Variants in HS3ST2 observed in about 807,000 individuals in gnomAD.
The protein encoded by HS3ST2 is heparan sulfate-glucosamine 3-sulfotransferase 2, also known as heparan sulfate glucosamine 3-O-sulfotransferase 2.
Under a neutral mutation model 26.3 loss-of-function variants are expected in HS3ST2, and 17 were observed. That is an observed-to-expected ratio of 0.65 (90% CI 0.44 to 0.97). The LOEUF is 0.97. Among genes scored for constraint, HS3ST2 ranks in the 50% least tolerant of loss-of-function variants. The pLI is 0.00. For synonymous variants in HS3ST2, 237 were observed against 219.2 expected (o/e 1.08, Z -0.72); for missense variants, 402 against 501.2 (o/e 0.80, Z 1.89).
At chr16:22,833,985 TG>T (rs1307555986) in intron 1 of HS3ST2, among the ~76,000 whole-genome samples, 3 of 152,112 alleles carry the variant, frequency 2.0e-5, no homozygotes, top group Admixed American at 1.3e-4. Flanking sequence ...TATTATCTTT[TG>T]TATAAAGGGA....
chr16:22,908,043 C>T (rs889901351), intron 1 of HS3ST2, among the ~76,000 whole-genome samples: 3 of 152,140 alleles, frequency 2.0e-5, no homozygotes, highest in African/African-American at 7.2e-5. Flanking sequence ...AGGAGGATTG[C>T]GTGAGCCTGG....
intron 1 of HS3ST2, among the ~76,000 whole-genome samples, chr16:22,869,536 G>C (rs1217608775): frequency 2.0e-5 from 3 of 152,168 alleles, no homozygotes; most frequent in Non-Finnish European, 4.4e-5. Context: ...GGCTGGGGAG[G>C]CCTCACAGTC....
At chr16:22,888,885 C>T (rs533853619) in intron 1 of HS3ST2, among the ~76,000 whole-genome samples, 1 of 152,350 alleles carries the variant, frequency 6.6e-6, no homozygotes, top group East Asian at 1.9e-4. Context: ...CTCATTGCAC[C>T]TTGGGTGCAT....
intron 1 of HS3ST2, among the ~76,000 whole-genome samples, chr16:22,878,207 C>T (rs1596623337): frequency 6.6e-6 from 1 of 152,188 alleles, no homozygotes; most frequent in South Asian, 2.1e-4. Flanking sequence ...CATGTAGCCC[C>T]TTAGTGATTT....
intron 1 of HS3ST2, among the ~76,000 whole-genome samples, chr16:22,848,033 T>A (rs979924044): frequency 6.6e-6 from 1 of 152,218 alleles, no homozygotes; most frequent in African/African-American, 2.4e-5. Context: ...CAGGTCAGCC[T>A]CATGTGTTTT....
intron 1 of HS3ST2, among the ~76,000 whole-genome samples, chr16:22,880,400 G>A (rs1267188089): frequency 6.6e-6 from 1 of 152,158 alleles, no homozygotes; most frequent in Non-Finnish European, 1.5e-5. Flanking sequence ...CTGGGTGACA[G>A]AGTGAGACCT....
intron 1 of HS3ST2, among the ~76,000 whole-genome samples, chr16:22,835,759 C>A (rs1782983894): frequency 6.6e-6 from 1 of 152,060 alleles, no homozygotes; most frequent in Non-Finnish European, 1.5e-5. Flanking sequence ...GGCAGTTGTA[C>A]AACATATTGA....
intron 1 of HS3ST2, among the ~76,000 whole-genome samples, chr16:22,822,149 C>A (rs1002297842): frequency 5.9e-5 from 9 of 152,136 alleles, no homozygotes; most frequent in African/African-American, 9.7e-5. Context: ...TTTTGTGCCA[C>A]CTTCATGACA....
At position 22,916,303 on chromosome 16, in the gene HS3ST2, C is replaced by G. The variant is rs1171695288; in HGVS notation, c.*741C>G. The stretch of plus-strand genomic sequence containing the variant: ...CAGCATGCAATGGAATCATGCTTGT[C>G]CATGTGAAATAAATATGGCTCTCTC... On this transcript the variant is annotated 3_prime_UTR_variant, in exon 2 of 2. Transcript: ENST00000261374. The G allele has an allele frequency of 6.6e-6, 1 of 152,666 alleles. No individual in the cohort carries two copies. Among genetic ancestry groups the G allele is most frequent in the African/African-American group, 2.4e-5 (1 of 41,442 alleles). 9.5% of individuals were successfully genotyped at this position (152,666 alleles called of 1,614,324 possible). A position where few individuals can be genotyped will look rare whatever the true frequency, so the allele number is the denominator to read the frequency against.
intron 1 of HS3ST2, among the ~76,000 whole-genome samples, chr16:22,821,830 A>C (rs1900999482): frequency 6.6e-6 from 1 of 152,132 alleles, no homozygotes; most frequent in Non-Finnish European, 1.5e-5. Context: ...TGTGCTTCTG[A>C]GGAAGTTATT....
chr16:22,844,940 C>T (rs575971935), intron 1 of HS3ST2, among the ~76,000 whole-genome samples: 4 of 151,602 alleles, frequency 2.6e-5, no homozygotes, highest in Admixed American at 1.3e-4. Context: ...CTGCAAGCTT[C>T]GCCTCCCAGG....
chr16:22,886,047 G>A lies in HS3ST2; in HGVS notation c.486-28897G>A, dbSNP rs79502922. ...ATGTACGTGGCTTACATGGGATGCCGTTAACACACAGATTATCTTCTAAGC... is the reference window on the plus strand; with the variant it reads ...ATGTACGTGGCTTACATGGGATGCCATTAACACACAGATTATCTTCTAAGC... On this transcript the variant is annotated intron_variant, in intron 1 of 1. Coordinates refer to ENST00000261374, the MANE Select transcript of HS3ST2 (RefSeq NM_006043.2). 2.6e-5 allele frequency among the ~76,000 whole-genome samples: 4 copies of A among 152,226 alleles called. No individual in the cohort carries two copies. The East Asian group carries it at 5.8e-4, about 22-fold the overall frequency.
intron 1 of HS3ST2, among the ~76,000 whole-genome samples, chr16:22,895,574 G>A (rs941722678): frequency 2.6e-5 from 4 of 151,878 alleles, no homozygotes; most frequent in Non-Finnish European, 5.9e-5. Context: ...TGTATTCTGG[G>A]GTGGTCGTAT....
intron 1 of HS3ST2, among the ~76,000 whole-genome samples, chr16:22,827,984 G>A (rs1294324210): frequency 1.3e-5 from 2 of 151,938 alleles, no homozygotes; most frequent in African/African-American, 4.8e-5. Context: ...TAGGATTACA[G>A]GCCTGAGCCA....
intron 1 of HS3ST2, among the ~76,000 whole-genome samples, chr16:22,827,677 G>A (rs1323013883): frequency 1.3e-5 from 2 of 151,118 alleles, no homozygotes; most frequent in African/African-American, 4.9e-5. Context: ...TGCTGCTGAG[G>A]TTGATGATGT....
At chr16:22,868,405 CAA>C (rs77630354) in intron 1 of HS3ST2, among the ~76,000 whole-genome samples, 9 of 43,492 alleles carry the variant, frequency 2.1e-4, no homozygotes, top group African/African-American at 2.3e-4. Flanking sequence ...AAGACTCCAT[CAA>C]AAAAAAAAAA....
intron 1 of HS3ST2, among the ~76,000 whole-genome samples, chr16:22,854,269 T>C (rs750076362): frequency 6.6e-6 from 1 of 152,204 alleles, no homozygotes; most frequent in African/African-American, 2.4e-5. Flanking sequence ...CCTTTATAAG[T>C]AGGCTTTTCC....
intron 1 of HS3ST2, among the ~76,000 whole-genome samples, chr16:22,862,347 A>G (rs1596617945): frequency 7.1e-6 from 1 of 140,754 alleles, no homozygotes; most frequent in African/African-American, 2.7e-5. Context: ...GGCTAGTTGG[A>G]GCCTGTGGAT....
At chr16:22,830,407 G>T (rs1258173494) in intron 1 of HS3ST2, among the ~76,000 whole-genome samples, 2 of 152,168 alleles carry the variant, frequency 1.3e-5, no homozygotes, top group Admixed American at 6.5e-5. Flanking sequence ...TAAGAGGTGA[G>T]CAGGGGTGCA....
Sources: allele counts gnomAD v4.1 joint callset (sites outside exome capture counted in the v4.1 genomes callset), GRCh38; gene constraint gnomAD v4.1.1; transcripts MANE v1.5; gene names NCBI Gene and HGNC (gene_info 2026-07-23, HGNC 2026-07-21).